PLEKHD1: variants seen among roughly 807,000 people sequenced by gnomAD.
PLEKHD1 encodes pleckstrin homology and coiled-coil domain containing D1.
PLEKHD1 carries 51 observed loss-of-function variants against 69.2 expected under a neutral mutation model. The observed-to-expected ratio is 0.74, with a 90% confidence interval of 0.59 to 0.93. PLEKHD1 has a LOEUF of 0.93. Ranked by LOEUF, PLEKHD1 falls within the 40% of genes least tolerant of loss-of-function variation. The probability of loss-of-function intolerance (pLI) is 0.00; values close to 1 mark genes in which losing one functional copy is unlikely to be tolerated. For synonymous variants in PLEKHD1, 236 were observed against 244.7 expected (o/e 0.96, Z 0.33); for missense variants, 584 against 641.0 (o/e 0.91, Z 0.96).
rs1883771005 is a variant in PLEKHD1, at chr14:69,530,636, G to C, written c.*2217G>C. Reference sequence around the variant, plus strand: ...TTTGTACTGCTGTAACAGAATACCTGAGACTGGGTAATTTATAAGGAACAG... The same window carrying C: ...TTTGTACTGCTGTAACAGAATACCTCAGACTGGGTAATTTATAAGGAACAG... On this transcript the variant is annotated 3_prime_UTR_variant, in exon 13 of 13. Coordinates refer to ENST00000322564, the MANE Select transcript of PLEKHD1 (RefSeq NM_001161498.2). 1 of 152,158 alleles carries C rather than the reference G, an allele frequency of 6.6e-6. No homozygotes were observed. The highest frequency in any genetic ancestry group is 2.4e-5 in the African/African-American group (1 of 41,442). The allele number at this position is 152,158 out of a possible 1,614,324, so 9.4% of individuals were successfully genotyped here. A position where few individuals can be genotyped will look rare whatever the true frequency, so the allele number is the denominator to read the frequency against.
At chr14:69,525,911 G>A (rs535008742) in intron 8 of PLEKHD1, 33 bp from the exon 9 acceptor site, 1 of 1,537,284 alleles carries the variant, frequency 6.5e-7, no homozygotes, top group Non-Finnish European at 8.8e-7. Flanking sequence ...ACCTAAATTG[G>A]GCTTTTCTTT....
intron 6 of PLEKHD1, among the ~76,000 whole-genome samples, chr14:69,518,061 T>C (rs926429965): frequency 2.6e-5 from 4 of 152,012 alleles, no homozygotes; most frequent in African/African-American, 9.7e-5. Context: ...AGACAGGGCA[T>C]CACTTTGTCA....
In PLEKHD1 at chr14:69,524,233, C is replaced by T; in HGVS notation, c.655C>T (p.Leu219=). ...CCCAGCCCTCTGTCTCCACAGGGAG[C>T]TGGAACTGACTGCAAGATGCCTTAA... The part of the protein sequence containing the change: ...RMEQEQIKRE[L]ELTARCLKGV... The change falls in exon 8 of 13, where the codon CTG becomes TTG. Residue 219 remains leucine (L), a synonymous_variant. Transcript: ENST00000322564. The T allele has an allele frequency of 6.4e-7, 1 of 1,551,312 alleles. No homozygotes were observed. Among genetic ancestry groups the T allele is most frequent in the Non-Finnish European group, 8.7e-7 (1 of 1,146,676 alleles).
At chr14:69,505,081 T>C (rs772802809) in intron 6 of PLEKHD1, among the ~76,000 whole-genome samples, 1 of 152,176 alleles carries the variant, frequency 6.6e-6, no homozygotes, top group Non-Finnish European at 1.5e-5. Context: ...GGAGACCCAC[T>C]GCACACAGGC....
chr14:69,501,944 C>A, intron 5 of PLEKHD1, 119 bp downstream of exon 5: 1 of 904,528 alleles, frequency 1.1e-6, no homozygotes, highest in Non-Finnish European at 1.7e-6. Flanking sequence ...TATGAGGGAA[C>A]AGAGACCAGT....
intron 6 of PLEKHD1, among the ~76,000 whole-genome samples, chr14:69,513,378 T>A (rs1594986786): frequency 6.6e-6 from 1 of 152,132 alleles, no homozygotes; most frequent in South Asian, 2.1e-4. Flanking sequence ...AGAACAAATT[T>A]ATAGACAAAA....
At chr14:69,493,483 G>GA (rs1298014957) in intron 1 of PLEKHD1, among the ~76,000 whole-genome samples, 1 of 152,136 alleles carries the variant, frequency 6.6e-6, no homozygotes, top group African/African-American at 2.4e-5. Context: ...TAGTGAAATA[G>GA]AAAAAACAAG....
intron 6 of PLEKHD1, among the ~76,000 whole-genome samples, chr14:69,508,315 A>G (rs1192568751): frequency 1.3e-5 from 2 of 152,022 alleles, no homozygotes; most frequent in African/African-American, 4.8e-5. Context: ...CTGAGGCAGG[A>G]GAATTGCTTG....
chr14:69,474,553 C>T, the PLEKHD1 span, among the ~76,000 whole-genome samples: 1 of 152,214 alleles, frequency 6.6e-6, no homozygotes, highest in Admixed American at 6.5e-5. Context: ...GTATAGCCTC[C>T]ATTGTATTAA....
intron 6 of PLEKHD1, among the ~76,000 whole-genome samples, chr14:69,507,802 G>A (rs1883185121): frequency 6.6e-6 from 1 of 152,092 alleles, no homozygotes; most frequent in African/African-American, 2.4e-5. Flanking sequence ...TTGAATTCCT[G>A]GGTTTAAGAG....
At chr14:69,487,708 T>G (rs1262346857) in intron 1 of PLEKHD1, among the ~76,000 whole-genome samples, 3 of 152,110 alleles carry the variant, frequency 2.0e-5, no homozygotes, top group Non-Finnish European at 4.4e-5. Flanking sequence ...TCAAAAGCAT[T>G]AATTAGCAGA....
chr14:69,489,287 G>A (rs922114682), intron 1 of PLEKHD1, among the ~76,000 whole-genome samples: 3 of 152,170 alleles, frequency 2.0e-5, no homozygotes, highest in South Asian at 4.1e-4. Context: ...ATCTAAGGCC[G>A]GGTGTGGTGG....
intron 6 of PLEKHD1, among the ~76,000 whole-genome samples, chr14:69,508,555 C>A (rs948704591): frequency 1.3e-5 from 2 of 152,240 alleles, no homozygotes; most frequent in Non-Finnish European, 2.9e-5. Flanking sequence ...GCTGGGACTA[C>A]AGGCATGCAC....
rs1156554938 is a variant in PLEKHD1, at chr14:69,525,982, G to A, written c.783G>A (p.Leu261=). The stretch of plus-strand genomic sequence containing the variant: ...AGAAGAAGAAAACCCTGGAAATGCT[G>A]GAGGAGAACGAGAACCACCTGCAGA... The part of the protein sequence containing the change: ...SIEKKKTLEM[L]EENENHLQTL... Residue 261 remains leucine, a synonymous_variant, in exon 9 of 13, where the codon CTG becomes CTA. Transcript: ENST00000322564. 7 of 1,551,592 alleles carry A rather than the reference G, an allele frequency of 4.5e-6. No individual in the cohort carries two copies. The South Asian group carries it at 7.1e-5, about 16-fold the overall frequency.
rs576841695 is a variant in PLEKHD1, at chr14:69,527,775, C to T, written c.1202-8C>T. 124 of 1,551,392 alleles carry T rather than the reference C, an allele frequency of 8.0e-5. No homozygotes were observed. Among genetic ancestry groups the T allele is most frequent in the Admixed American group, 2.4e-4 (12 of 51,006 alleles). On this transcript the variant is annotated splice_polypyrimidine_tract_variant and splice_region_variant and intron_variant, in intron 11 of 12. Transcript: ENST00000322564. ...GGAACCCCACCCTTCCTGGCCCTGCCGCCACAGGGTTCTTTGAGGAGTGCA... is the reference window on the plus strand; with the variant it reads ...GGAACCCCACCCTTCCTGGCCCTGCTGCCACAGGGTTCTTTGAGGAGTGCA...
intron 1 of PLEKHD1, among the ~76,000 whole-genome samples, chr14:69,493,975 T>C (rs1322906092): frequency 6.6e-6 from 1 of 152,194 alleles, no homozygotes; most frequent in African/African-American, 2.4e-5. Flanking sequence ...ATAAGCCATG[T>C]GTTGGGAGGT....
intron 7 of PLEKHD1, 58 bp from the exon 8 acceptor site, chr14:69,524,171 T>C (rs1883584649): frequency 2.2e-6 from 3 of 1,338,004 alleles, no homozygotes; most frequent in Admixed American, 4.0e-5. Flanking sequence ...AGTGCAGAGG[T>C]GATTGGTGGG....
chr14:69,529,685 T>G lies in PLEKHD1; in HGVS notation c.*1266T>G, dbSNP rs531591070. The stretch of plus-strand genomic sequence containing the variant: ...CAGATATCTCCTTCCCAGCTGCCCC[T>G]GCTTCAGTCACCTTGCTGCCTCCTC... On this transcript the variant is annotated 3_prime_UTR_variant, in exon 13 of 13. Transcript: ENST00000322564. 6.6e-6 allele frequency: 1 copy of G among 152,392 alleles called. No homozygotes were observed. Among genetic ancestry groups the G allele is most frequent in the Admixed American group, 6.5e-5 (1 of 15,308 alleles). 9.4% of individuals were successfully genotyped at this position (152,392 alleles called of 1,614,324 possible).
Position 69,500,587 on chromosome 14 carries a change from C to T in PLEKHD1, c.254C>T (p.Pro85Leu), listed in dbSNP as rs1883001418. Residue 85 changes from proline to leucine, a missense_variant, in exon 3 of 13, where the codon CCT becomes CTT. Pro to Leu is a moderately conservative substitution (Grantham distance 98). Transcript: ENST00000322564. Reference sequence around the variant, plus strand: ...CTGGTTCTTCCTCAGGGCGTCATCCCTCTGGGGGGCTGCCTGGTGGAGCCC... The same window carrying T: ...CTGGTTCTTCCTCAGGGCGTCATCCTTCTGGGGGGCTGCCTGGTGGAGCCC... ...YFNIHPKGVI[P>L]LGGCLVEPKE... 1.3e-6 allele frequency: 2 copies of T among 1,550,268 alleles called. No individual in the cohort carries two copies. The highest frequency in any genetic ancestry group is 1.7e-6 in the Non-Finnish European group (2 of 1,146,294).
Sources: gnomAD v4.1 joint callset for allele counts (sites outside exome capture counted in the v4.1 genomes callset) on GRCh38, gnomAD v4.1.1 for gene constraint, MANE v1.5 for transcripts, NCBI Gene and HGNC (gene_info 2026-07-23, HGNC 2026-07-21) for gene names.